CDC42BPB: variants seen among roughly 807,000 people sequenced by gnomAD.
CDC42BPB encodes CDC42 binding protein kinase beta, also known as serine/threonine-protein kinase MRCK beta.
In CDC42BPB, 37 loss-of-function variants were observed where a neutral mutation model predicts 214.9. The observed-to-expected ratio is 0.17, with a 90% CI of 0.13 to 0.23. The LOEUF is 0.23. CDC42BPB is among the 10% of genes least tolerant of loss of function. CDC42BPB has a pLI of 1.00. For synonymous variants in CDC42BPB, 931 were observed against 884.0 expected, an observed-to-expected ratio of 1.05 and a Z score of -0.94; for missense variants, 1,694 against 2,227.0, an observed-to-expected ratio of 0.76 and a Z score of 4.82.
chr14:103,019,640 C>T (rs1023799317), intron 1 of CDC42BPB, among the ~76,000 whole-genome samples: 3 of 152,170 alleles, frequency 2.0e-5, no homozygotes, highest in Admixed American at 1.3e-4. Flanking sequence ...GGTTCGCACC[C>T]CTCCTAAGAT....
At position 102,933,725 on chromosome 14, in the gene CDC42BPB, G is replaced by T; in HGVS notation, c.5123C>A (p.Ala1708Asp). The T allele has an allele frequency of 6.8e-7, 1 of 1,478,080 alleles. No individual in the cohort carries two copies. The highest frequency in any genetic ancestry group is 8.9e-7 in the Non-Finnish European group (1 of 1,129,520). 91.6% of individuals were successfully genotyped at this position (1,478,080 alleles called of 1,614,324 possible). The change falls in exon 37 of 37, where the codon GCC becomes GAC. Residue 1708 changes from alanine to aspartate, a missense_variant. Physicochemically the swap from Ala to Asp is moderately radical, Grantham distance 126. Around this residue, in one of 7 missense-constraint regions of CDC42BPB, gnomAD observed 146 missense variants for 134.1 expected, o/e 1.09. Transcript: ENST00000361246. ...GAGCTGGCGGCTTCAGGTGTCACAG[G>T]CCGGCTGCTCCAGGCCTTCGAGGGG... ...QLPLEGLEQP[A>D]CDT
rs368182073 is a variant in CDC42BPB, at chr14:102,939,783, C to G, written c.4709+47G>C. ...GGATACGTGAGAATCCTCTTGGCCCCCTCCCTAGAGCGAGGCCCAGCAGGC... is the reference window on the plus strand; with the variant it reads ...GGATACGTGAGAATCCTCTTGGCCCGCTCCCTAGAGCGAGGCCCAGCAGGC... On this transcript the variant is annotated intron_variant, in intron 33 of 36. Coordinates refer to ENST00000361246, the MANE Select transcript of CDC42BPB (RefSeq NM_006035.4). 6.0e-4 allele frequency: 963 copies of G among 1,614,030 alleles called. 11 individuals carry two copies. The highest frequency in any genetic ancestry group is 5.1e-3 in the South Asian group (460 of 91,088).
At chr14:103,023,009 T>C (rs1886857940) in intron 1 of CDC42BPB, among the ~76,000 whole-genome samples, 1 of 151,764 alleles carries the variant, frequency 6.6e-6, no homozygotes, top group Non-Finnish European at 1.5e-5. Flanking sequence ...TTTCTTTTCT[T>C]TTCCTTTTCT....
At position 103,012,364 on chromosome 14, in the gene CDC42BPB, C is replaced by A. The variant is rs78012707; in HGVS notation, c.176-176G>T. On this transcript the variant is annotated intron_variant, in intron 1 of 36. Coordinates refer to ENST00000361246, the MANE Select transcript of CDC42BPB (RefSeq NM_006035.4). ...TATACCAATGGACACAGATGTGGAT[C>A]CTGAGCAACTGCAGCCACGCACTGG... 1.2e-3 allele frequency: 1,052 copies of A among 890,710 alleles called. 15 individuals are homozygous for A. The African/African-American group carries it at 0.018, about 15-fold the overall frequency. The allele number at this position is 890,710 out of a possible 1,614,324, so 55.2% of individuals were successfully genotyped here.
intron 23 of CDC42BPB, among the ~76,000 whole-genome samples, chr14:102,953,440 G>T (rs915091796): frequency 6.6e-6 from 1 of 152,224 alleles, no homozygotes; most frequent in African/African-American, 2.4e-5. Flanking sequence ...AAGAGTCTTA[G>T]TCCAAAAGCC....
intron 1 of CDC42BPB, among the ~76,000 whole-genome samples, chr14:103,034,972 GA>G (rs1244404448): frequency 1.3e-5 from 2 of 151,668 alleles, no homozygotes; most frequent in African/African-American, 4.8e-5. Flanking sequence ...TGCTATTGGA[GA>G]AAAACTATAA....
At chr14:103,038,625 C>T in intron 1 of CDC42BPB, among the ~76,000 whole-genome samples, 1 of 150,678 alleles carries the variant, frequency 6.6e-6, no homozygotes, top group Admixed American at 6.7e-5. Flanking sequence ...CTCCTGGGTT[C>T]AAGCAATCCT....
chr14:103,008,967 A>T (rs1226394946), intron 2 of CDC42BPB, among the ~76,000 whole-genome samples: 3 of 152,242 alleles, frequency 2.0e-5, no homozygotes, highest in African/African-American at 4.8e-5. Flanking sequence ...CACCTCCTTC[A>T]GGAAGTCCTC....
chr14:102,946,837 C>T lies in CDC42BPB; in HGVS notation c.3532-153G>A, dbSNP rs1892202563. 1.0e-5 allele frequency: 10 copies of T among 985,326 alleles called. No homozygotes were observed. In the South Asian group the frequency reaches 4.7e-4, roughly 46 times the overall value. The allele number at this position is 985,326 out of a possible 1,614,324, so 61.0% of individuals were successfully genotyped here. On this transcript the variant is annotated intron_variant, in intron 27 of 36. Coordinates refer to ENST00000361246, the MANE Select transcript of CDC42BPB (RefSeq NM_006035.4). ...CCCCTGACTCCACCTCGCTGGGCGC[C>T]TTGCAGAGGCTCCCGCGGCAGGACA...
Position 102,953,104 on chromosome 14 carries a change from G to C in CDC42BPB, c.3067-501C>G, listed in dbSNP as rs572050709. 6.0e-4 allele frequency among the ~76,000 whole-genome samples: 92 copies of C among 152,374 alleles called. 1 individual carries two copies. The highest frequency in any genetic ancestry group is 2.0e-3 in the African/African-American group (83 of 41,594). On this transcript the variant is annotated intron_variant, in intron 23 of 36. Coordinates refer to ENST00000361246, the MANE Select transcript of CDC42BPB (RefSeq NM_006035.4). ...CAGGAGTGGACACATTGTGAACCCA[G>C]CGGCAACTGCAGCAGCCCCAAGGCT... is the stretch of plus-strand genomic sequence containing the variant.
In CDC42BPB at chr14:103,008,746, G is replaced by A. The variant is rs535078678; in HGVS notation, c.268-191C>T. Reference sequence around the variant, plus strand: ...CTTTTCTTCACAGAGAAAGGGACCGGCCACGTGGGCTCCGGAGTTTCACTC... The same window carrying A: ...CTTTTCTTCACAGAGAAAGGGACCGACCACGTGGGCTCCGGAGTTTCACTC... On this transcript the variant is annotated intron_variant, in intron 2 of 36. Coordinates refer to ENST00000361246, the MANE Select transcript of CDC42BPB (RefSeq NM_006035.4). The A allele has an allele frequency of 3.2e-6, 3 of 929,228 alleles. No homozygotes were observed. The African/African-American group carries it at 5.3e-5, about 17-fold the overall frequency. 57.6% of individuals were successfully genotyped at this position (929,228 alleles called of 1,614,324 possible).
chr14:103,029,525 A>T (rs1024675018), intron 1 of CDC42BPB, among the ~76,000 whole-genome samples: 10 of 145,644 alleles, frequency 6.9e-5, no homozygotes, highest in African/African-American at 2.6e-4. Flanking sequence ...CCTGGGCAAC[A>T]GAGCAAGACT....
At chr14:103,005,406 C>T (rs1006449672) in intron 3 of CDC42BPB, among the ~76,000 whole-genome samples, 1 of 152,172 alleles carries the variant, frequency 6.6e-6, no homozygotes, top group Non-Finnish European at 1.5e-5. Flanking sequence ...CTTTTCTAAA[C>T]TTTAAAAAGT....
Position 102,945,650 on chromosome 14 carries a change from C to G in CDC42BPB, c.3811+12G>C, listed in dbSNP as rs764728738. ...TGTGACATCCCAGGCTGGAAACGCC[C>G]TGCTCACTCACCATCTCGGGTGACC... On this transcript the variant is annotated intron_variant, in intron 29 of 36. Coordinates refer to ENST00000361246, the MANE Select transcript of CDC42BPB (RefSeq NM_006035.4). 7 of 1,611,976 alleles carry G rather than the reference C, an allele frequency of 4.3e-6. No individual in the cohort carries two copies. In the Admixed American group the frequency reaches 8.3e-5, roughly 19 times the overall value.
Position 103,007,473 on chromosome 14 carries a change from G to C in CDC42BPB, c.351+999C>G, listed in dbSNP as rs1369653260. Among the ~76,000 whole-genome samples, 6 of 152,308 alleles carry C rather than the reference G, an allele frequency of 3.9e-5. 1 individual carries two copies. The South Asian group carries it at 8.3e-4, about 21-fold the overall frequency. ...ACAAATTCCAGGACCAAAGAGGAAA[G>C]CGTCACCTCAAATTACTAGAAGGGT... On this transcript the variant is annotated intron_variant, in intron 3 of 36. Transcript: ENST00000361246.
chr14:103,042,389 A>G (rs1298746723), intron 1 of CDC42BPB, among the ~76,000 whole-genome samples: 1 of 151,806 alleles, frequency 6.6e-6, no homozygotes, highest in African/African-American at 2.4e-5. Context: ...AGCTCACTGC[A>G]AGGCTCCGCC....
chr14:102,940,386 G>A (rs1308956571), intron 30 of CDC42BPB, 62 bp from the exon 31 acceptor site: 1 of 1,546,986 alleles, frequency 6.5e-7, no homozygotes, highest in Non-Finnish European at 8.7e-7. Context: ...CTGCCCTCGG[G>A]CCGGAGGCCA....
intron 1 of CDC42BPB, among the ~76,000 whole-genome samples, chr14:103,046,185 C>A (rs780044372): frequency 1.3e-5 from 2 of 152,068 alleles, no homozygotes; most frequent in East Asian, 1.9e-4. Flanking sequence ...ACCTCAGCCA[C>A]CTTCCCAGAA....
At chr14:102,999,342 C>T (rs72704752) in intron 5 of CDC42BPB, among the ~76,000 whole-genome samples, 2,742 of 152,142 alleles carry the variant, frequency 0.018, 50 homozygotes, top group Non-Finnish European at 0.027. Flanking sequence ...ACAGTGGCTT[C>T]GGCTGACAGC....
Sources: allele counts gnomAD v4.1 joint callset (sites outside exome capture counted in the v4.1 genomes callset), GRCh38; gene constraint gnomAD v4.1.1; regional missense constraint gnomAD v4.1.1; transcripts MANE v1.5; gene names NCBI Gene and HGNC (gene_info 2026-07-23, HGNC 2026-07-21).